Variants in CHST9 observed in about 807,000 individuals in gnomAD.
CHST9 encodes the protein carbohydrate sulfotransferase 9, also known as GalNAc-4-sulfotransferase 2.
In CHST9, 41 loss-of-function variants were observed where a neutral mutation model predicts 44.4. That is an observed-to-expected ratio of 0.92 (90% confidence interval 0.72 to 1.20). The LOEUF (loss-of-function observed/expected upper bound fraction) is 1.20. Among genes scored for constraint, CHST9 ranks in the 50% most tolerant of loss-of-function variants. The probability of loss-of-function intolerance (pLI) is 0.00; values close to 1 mark genes in which losing one functional copy is unlikely to be tolerated. For synonymous variants in CHST9, 171 were observed against 178.4 expected, an observed-to-expected ratio of 0.96 and a Z score of 0.33; for missense variants, 504 against 516.5, an observed-to-expected ratio of 0.98 and a Z score of 0.23.
chr18:27,115,282 T>C (rs933331515), intron 2 of CHST9, among the ~76,000 whole-genome samples: 3 of 152,236 alleles, frequency 2.0e-5, no homozygotes, highest in East Asian at 1.9e-4. Context: ...TTGAACTTTA[T>C]GGATATTATA....
intron 2 of CHST9, among the ~76,000 whole-genome samples, chr18:27,085,339 C>A (rs2058001548): frequency 6.6e-6 from 1 of 152,114 alleles, no homozygotes; most frequent in South Asian, 2.1e-4. Flanking sequence ...AGACAACCTA[C>A]AGAATGGAAG....
chr18:26,935,750 C>T (rs959705724), intron 5 of CHST9: 4 of 152,078 alleles, frequency 2.6e-5, no homozygotes, highest in African/African-American at 9.7e-5. Flanking sequence ...TATAACATAA[C>T]ACTTCTGTGT....
chr18:26,959,813 T>C (rs1223078494), intron 4 of CHST9, among the ~76,000 whole-genome samples: 1 of 152,134 alleles, frequency 6.6e-6, no homozygotes, highest in Non-Finnish European at 1.5e-5. Flanking sequence ...TTGAATAATT[T>C]TGAGTCAAAG....
At chr18:26,927,650 C>T (rs946741151) in intron 5 of CHST9, among the ~76,000 whole-genome samples, 1 of 152,134 alleles carries the variant, frequency 6.6e-6, no homozygotes, top group Non-Finnish European at 1.5e-5. Context: ...CAACTCCAGT[C>T]CTAAGGTGGT....
At chr18:27,149,101 GGTT>G (rs1409558704) in intron 1 of CHST9, among the ~76,000 whole-genome samples, 1 of 127,574 alleles carries the variant, frequency 7.8e-6, no homozygotes, top group African/African-American at 2.8e-5. Flanking sequence ...TTTTTGATGG[GGTT>G]GTTTGTTTTT....
chr18:26,944,972 TAAG>T (rs2056140693), intron 4 of CHST9, among the ~76,000 whole-genome samples: 2 of 152,124 alleles, frequency 1.3e-5, no homozygotes, highest in Non-Finnish European at 2.9e-5. Context: ...ACATAAAAAA[TAAG>T]GATTCTAATA....
At position 26,932,284 on chromosome 18, in the gene CHST9, T is replaced by C. The variant is rs144716913; in HGVS notation, c.240+12045A>G. Among the ~76,000 whole-genome samples the C allele has an allele frequency of 2.5e-3, 386 of 152,318 alleles. 2 individuals are homozygous for C. Among genetic ancestry groups the C allele is most frequent in the African/African-American group, 9.0e-3 (375 of 41,578 alleles). ...TCAGGTAGCATAAACCACACAGAGATTGTGATCATCTGCTCAGCTTTTATG... is the reference window on the plus strand; with the variant it reads ...TCAGGTAGCATAAACCACACAGAGACTGTGATCATCTGCTCAGCTTTTATG... On this transcript the variant is annotated intron_variant, in intron 5 of 5. Transcript: ENST00000618847.
intron 4 of CHST9, among the ~76,000 whole-genome samples, chr18:27,014,437 G>C (rs1054153267): frequency 6.4e-5 from 7 of 109,866 alleles, no homozygotes; most frequent in African/African-American, 1.7e-4. Flanking sequence ...CTGGGCGACA[G>C]AGCGAGACTC....
intron 2 of CHST9, among the ~76,000 whole-genome samples, chr18:27,060,564 G>C (rs569617168): frequency 6.6e-6 from 1 of 152,216 alleles, no homozygotes; most frequent in East Asian, 1.9e-4. Flanking sequence ...TGAGAGCTAA[G>C]ATTTGCACAA....
intron 3 of CHST9, among the ~76,000 whole-genome samples, chr18:27,025,499 A>G (rs1369570490): frequency 3.9e-5 from 6 of 152,196 alleles, no homozygotes; most frequent in Admixed American, 3.9e-4. Context: ...ACCAGTTTAC[A>G]CTTGCATCAA....
intron 5 of CHST9, chr18:26,924,538 C>A (rs966233698): frequency 2.6e-6 from 2 of 773,842 alleles, no homozygotes; most frequent in Admixed American, 1.2e-4. Context: ...TATAATATTA[C>A]TCTTAATAAT....
intron 4 of CHST9, among the ~76,000 whole-genome samples, chr18:27,008,165 G>C (rs1201041551): frequency 1.3e-5 from 2 of 152,114 alleles, no homozygotes; most frequent in African/African-American, 4.8e-5. Flanking sequence ...TGAGAGCAAA[G>C]CATATTGGTG....
At chr18:26,981,199 A>C (rs1358882255) in intron 4 of CHST9, among the ~76,000 whole-genome samples, 1 of 152,212 alleles carries the variant, frequency 6.6e-6, no homozygotes, top group African/African-American at 2.4e-5. Flanking sequence ...ACTTAAAAAG[A>C]TATTGGTAAG....
At chr18:27,026,467 T>C (rs2057286421) in intron 3 of CHST9, among the ~76,000 whole-genome samples, 3 of 152,102 alleles carry the variant, frequency 2.0e-5, no homozygotes, top group African/African-American at 7.3e-5. Flanking sequence ...AAATACAATT[T>C]ATTTTTTATC....
At chr18:27,076,052 G>A (rs1275743424) in intron 2 of CHST9, among the ~76,000 whole-genome samples, 1 of 152,106 alleles carries the variant, frequency 6.6e-6, no homozygotes, top group Non-Finnish European at 1.5e-5. Context: ...CATTGTTATC[G>A]CATCCTCCGC....
At chr18:27,133,058 C>T (rs1347324132) in intron 2 of CHST9, among the ~76,000 whole-genome samples, 1 of 152,168 alleles carries the variant, frequency 6.6e-6, no homozygotes, top group Non-Finnish European at 1.5e-5. Context: ...CTTGGATTAG[C>T]CTCCCATCCC....
intron 4 of CHST9, among the ~76,000 whole-genome samples, chr18:27,016,619 C>CA (rs958258139): frequency 6.6e-6 from 1 of 152,160 alleles, no homozygotes; most frequent in Non-Finnish European, 1.5e-5. Context: ...GCGCCTAGCA[C>CA]AATATGGGTC....
chr18:27,019,689 C>CAAAAAAAAAAA (rs60043018), intron 4 of CHST9, among the ~76,000 whole-genome samples: 1 of 91,284 alleles, frequency 1.1e-5, no homozygotes. Context: ...CACTACATGG[C>CAAAAAAAAAAA]AAAAAAAAAA....
chr18:27,163,870 T>C (rs1418819564), intron 1 of CHST9, among the ~76,000 whole-genome samples: 2 of 152,148 alleles, frequency 1.3e-5, no homozygotes, highest in Non-Finnish European at 2.9e-5. Flanking sequence ...TGTACCTCAG[T>C]TGGAAATGCA....
Sources: gnomAD v4.1 joint callset for allele counts (sites outside exome capture counted in the v4.1 genomes callset) on GRCh38, gnomAD v4.1.1 for gene constraint, MANE v1.5 for transcripts, NCBI Gene and HGNC (gene_info 2026-07-23, HGNC 2026-07-21) for gene names.